The following SULT1E1 variants were observed in gnomAD, a reference collection of about 807,000 sequenced individuals.
The protein encoded by SULT1E1 is sulfotransferase family 1E member 1.
Under a neutral mutation model 33.6 loss-of-function variants are expected in SULT1E1, and 36 were observed. The observed-to-expected ratio is 1.07, with a 90% CI of 0.82 to 1.41. SULT1E1 has a LOEUF of 1.41. Ranked by LOEUF, SULT1E1 falls within the 40% of genes most tolerant of loss-of-function variation. The pLI is 0.00. For synonymous variants in SULT1E1, 121 were observed against 111.7 expected (o/e 1.08, Z -0.53); for missense variants, 371 against 345.7 (o/e 1.07, Z -0.58).
chr4:69,859,711 A>T (rs1435829765), intron 1 of SULT1E1, among the ~76,000 whole-genome samples: 1 of 152,114 alleles, frequency 6.6e-6, no homozygotes, highest in African/African-American at 2.4e-5. Flanking sequence ...ACTAAAAGTC[A>T]ATCTCTATTC....
chr4:69,859,374 AT>A (rs1721318700), intron 1 of SULT1E1, among the ~76,000 whole-genome samples: 2 of 152,140 alleles, frequency 1.3e-5, no homozygotes, highest in Admixed American at 1.3e-4. Flanking sequence ...ACTATGGTGG[AT>A]ATAGATACAT....
chr4:69,847,876 A>G, intron 5 of SULT1E1, 84 bp from the exon 6 acceptor site: 1 of 692,746 alleles, frequency 1.4e-6, no homozygotes, highest in Non-Finnish European at 2.5e-6. Flanking sequence ...CAATAACAAC[A>G]AATAAATATA....
intron 4 of SULT1E1, 53 bp from the exon 5 acceptor site, chr4:69,849,616 T>C (rs1721059809): frequency 2.0e-6 from 3 of 1,484,012 alleles, no homozygotes; most frequent in Non-Finnish European, 1.8e-6. Flanking sequence ...TCAAACAGTC[T>C]CATCAAGATT....
rs35543098 is a variant in SULT1E1, at chr4:69,841,840, CAA to C, written c.*152_*153del. Reference sequence around the variant, plus strand: ...TAGGCAACAGAGTGAGACTCTGTCTCAAAAAAAAAAAAAAAAAGTTAAACAAA... The same window carrying C: ...TAGGCAACAGAGTGAGACTCTGTCTCAAAAAAAAAAAAAAAGTTAAACAAA... On this transcript the variant is annotated 3_prime_UTR_variant, in exon 8 of 8. Transcript: ENST00000226444. 0.018 allele frequency: 5,387 copies of C among 303,198 alleles called. No homozygotes were observed. Among genetic ancestry groups the C allele is most frequent in the East Asian group, 0.024 (358 of 14,738 alleles). The allele number at this position is 303,198 out of a possible 1,614,324, so 18.8% of individuals were successfully genotyped here. A position where few individuals can be genotyped will look rare whatever the true frequency, so the allele number is the denominator to read the frequency against.
At chr4:69,849,636 A>G (rs1452956494) in intron 4 of SULT1E1, 73 bp from the exon 5 acceptor site, 1 of 1,371,004 alleles carries the variant, frequency 7.3e-7, no homozygotes, top group African/African-American at 1.5e-5. Context: ...TTTTTTAAAA[A>G]GGATTTACAT....
the SULT1E1 span, among the ~76,000 whole-genome samples, chr4:69,822,049 G>A: frequency 6.6e-6 from 1 of 152,114 alleles, no homozygotes; most frequent in South Asian, 2.1e-4. Flanking sequence ...TCTATGCTCT[G>A]GATCAATATT....
Position 69,841,990 on chromosome 4 carries a change from C to A in SULT1E1, c.*4G>T. ...TCAGATATGTTAAGTAAAGAAAGAC[C>A]TTCTTAGATCTCAGTTCGAAACTTC... On this transcript the variant is annotated 3_prime_UTR_variant, in exon 8 of 8. Transcript: ENST00000226444. The A allele has an allele frequency of 6.6e-7, 1 of 1,518,006 alleles. No individual in the cohort carries two copies. The highest frequency in any genetic ancestry group is 1.2e-5 in the South Asian group (1 of 83,696). The allele number at this position is 1,518,006 out of a possible 1,614,324, so 94.0% of individuals were successfully genotyped here. A position where few individuals can be genotyped will look rare whatever the true frequency, so the allele number is the denominator to read the frequency against.
downstream of SULT1E1, among the ~76,000 whole-genome samples, chr4:69,837,134 C>T (rs1286602748): frequency 6.6e-6 from 1 of 151,876 alleles, no homozygotes; most frequent in African/African-American, 2.4e-5. Flanking sequence ...GCAGAAATTA[C>T]CATTTATTGA....
At chr4:69,837,096 A>G (rs1720809394), downstream of SULT1E1, among the ~76,000 whole-genome samples, 1 of 152,116 alleles carries the variant, frequency 6.6e-6, no homozygotes, top group African/African-American at 2.4e-5. Context: ...CAAAAAAAAA[A>G]AAAAATGTAG....
the SULT1E1 span, among the ~76,000 whole-genome samples, chr4:69,821,392 C>A: frequency 2.6e-5 from 4 of 152,130 alleles, no homozygotes; most frequent in African/African-American, 9.7e-5. Flanking sequence ...TATAAAAAAT[C>A]TTAGTTCATG....
intron 1 of SULT1E1, among the ~76,000 whole-genome samples, 194 bp downstream of exon 1, chr4:69,859,855 T>G (rs538193048): frequency 1.6e-4 from 24 of 152,250 alleles, no homozygotes; most frequent in African/African-American, 5.3e-4. Flanking sequence ...ACTACATAAA[T>G]GTAAAATATT....
chr4:69,841,082 G>A (rs1189448912), downstream of SULT1E1: 1 of 151,748 alleles, frequency 6.6e-6, no homozygotes, highest in Non-Finnish European at 1.5e-5. Context: ...AAAATAAGGA[G>A]GGAAATCATA....
the SULT1E1 span, among the ~76,000 whole-genome samples, chr4:69,822,775 T>C: frequency 2.9e-4 from 44 of 152,322 alleles, no homozygotes; most frequent in African/African-American, 9.9e-4. Flanking sequence ...GTGGAATCCA[T>C]TTCTGATTTA....
Position 69,855,403 on chromosome 4 carries a change from C to G in SULT1E1, c.169G>C (p.Val57Leu). 1 of 1,611,754 alleles carries G rather than the reference C, an allele frequency of 6.2e-7. No individual in the cohort carries two copies. The highest frequency in any genetic ancestry group is 1.1e-5 in the South Asian group (1 of 90,812). The change falls in exon 3 of 8, where the codon GTG (valine) becomes CTG (leucine). Residue 57 changes from valine (V) to leucine (L), a missense_variant. By Grantham distance (32) the Val-to-Leu change is conservative. Coordinates refer to ENST00000226444, the MANE Select transcript of SULT1E1 (RefSeq NM_005420.3). ...KSGTTWVSEI[V>L]YMIYKEGDVE... ...TCACCCTCTTTATAGATCATATACA[C>G]AATTTCACTAACCCAGGTTGTACCT...
chr4:69,831,941 C>G, the SULT1E1 span, among the ~76,000 whole-genome samples: 2 of 152,316 alleles, frequency 1.3e-5, no homozygotes, highest in East Asian at 3.9e-4. Flanking sequence ...TCACACACTT[C>G]CCCTCTCCCA....
intron 2 of SULT1E1, among the ~76,000 whole-genome samples, chr4:69,856,736 C>G (rs896241324): frequency 4.0e-5 from 6 of 151,852 alleles, no homozygotes; most frequent in Non-Finnish European, 4.4e-5. Flanking sequence ...AGATCGAGAC[C>G]ATCCTGGCTA....
At chr4:69,828,328 C>G in the SULT1E1 span, among the ~76,000 whole-genome samples, 2 of 152,182 alleles carry the variant, frequency 1.3e-5, no homozygotes, top group African/African-American at 4.8e-5. Flanking sequence ...GTCCTCACTA[C>G]CTTTAAGAGC....
chr4:69,847,150 T>C (rs1465287798), intron 6 of SULT1E1, among the ~76,000 whole-genome samples: 1 of 151,792 alleles, frequency 6.6e-6, no homozygotes, highest in Non-Finnish European at 1.5e-5. Context: ...ATGTCTAATC[T>C]ATTATTGAAC....
At chr4:69,837,680 T>C (rs1487716018), downstream of SULT1E1, among the ~76,000 whole-genome samples, 1 of 152,094 alleles carries the variant, frequency 6.6e-6, no homozygotes, top group Non-Finnish European at 1.5e-5. Context: ...TATGAAAAAT[T>C]ACAAGAATCT....
Sources: gnomAD v4.1 joint callset for allele counts (sites outside exome capture counted in the v4.1 genomes callset) on GRCh38, gnomAD v4.1.1 for gene constraint, MANE v1.5 for transcripts, NCBI Gene and HGNC (gene_info 2026-07-23, HGNC 2026-07-21) for gene names.